ANTXR1: variants seen among roughly 807,000 people sequenced by gnomAD.
ANTXR1 encodes the protein ANTXR cell adhesion molecule 1.
In ANTXR1, 19 loss-of-function variants were observed where a neutral mutation model predicts 78.1. The ratio of observed to expected loss-of-function variants is 0.24; its 90% CI spans 0.17 to 0.36. The LOEUF (loss-of-function observed/expected upper bound fraction) is 0.36, where lower values mean the gene tolerates loss of function less well. Ranked by LOEUF, ANTXR1 falls within the 10% of genes least tolerant of loss-of-function variation. ANTXR1 has a pLI of 1.00. For missense variants in ANTXR1, 518 were observed against 718.6 expected, an observed-to-expected ratio of 0.72 and a Z score of 3.19; for synonymous variants, 273 against 260.5, an observed-to-expected ratio of 1.05 and a Z score of -0.46.
chr2:69,108,112 A>G (rs1332356330), intron 10 of ANTXR1, among the ~76,000 whole-genome samples: 1 of 152,260 alleles, frequency 6.6e-6, no homozygotes, highest in Non-Finnish European at 1.5e-5. Context: ...GGCTAGTGCA[A>G]TTGAGGAACT....
intron 17 of ANTXR1, among the ~76,000 whole-genome samples, chr2:69,237,086 T>TG (rs1219638814): frequency 6.6e-6 from 1 of 152,228 alleles, no homozygotes; most frequent in Non-Finnish European, 1.5e-5. Context: ...TGACAGACCT[T>TG]GTATTTACAC....
chr2:69,149,111 C>A (rs954221952), intron 12 of ANTXR1, among the ~76,000 whole-genome samples: 2 of 152,174 alleles, frequency 1.3e-5, no homozygotes, highest in Non-Finnish European at 2.9e-5. Flanking sequence ...AAAAAACAGA[C>A]AGTGCATTCG....
At chr2:69,213,335 A>G (rs572078052) in intron 17 of ANTXR1, among the ~76,000 whole-genome samples, 1 of 152,266 alleles carries the variant, frequency 6.6e-6, no homozygotes, top group African/African-American at 2.4e-5. Flanking sequence ...GCAGCCTATA[A>G]TCTCTTTGTC....
intron 17 of ANTXR1, among the ~76,000 whole-genome samples, chr2:69,236,891 C>T (rs1675777815): frequency 6.6e-6 from 1 of 152,186 alleles, no homozygotes; most frequent in African/African-American, 2.4e-5. Flanking sequence ...AATAAATCCA[C>T]CACTGGGTGT....
At chr2:69,075,442 G>C in intron 6 of ANTXR1, 148 bp from the exon 7 acceptor site, 1 of 775,884 alleles carries the variant, frequency 1.3e-6, no homozygotes, top group Non-Finnish European at 2.3e-6. Context: ...TGAGCTTCCT[G>C]GGGACAGGGA....
At chr2:69,067,126 C>T (rs915946737) in intron 3 of ANTXR1, among the ~76,000 whole-genome samples, 3 of 152,056 alleles carry the variant, frequency 2.0e-5, no homozygotes, top group African/African-American at 7.2e-5. Flanking sequence ...TGTTGTGGGT[C>T]CTTCAAGAAG....
At chr2:69,119,291 G>A (rs141998977) in intron 10 of ANTXR1, among the ~76,000 whole-genome samples, 8 of 152,276 alleles carry the variant, frequency 5.3e-5, no homozygotes, top group Non-Finnish European at 8.8e-5. Context: ...GCTCTCCTCG[G>A]CGTGACCCAG....
In ANTXR1 at chr2:69,024,687, ATC is replaced by A. The variant is rs143282081; in HGVS notation, c.152+11040_152+11041del. On this transcript the variant is annotated intron_variant, in intron 1 of 17. Transcript: ENST00000303714. ...TGCTTAAGCCAGAGATATGAGAGTA[ATC>A]TCTTGTTCACACTCAAGTCTGATGA... is the stretch of plus-strand genomic sequence containing the variant. Among the ~76,000 whole-genome samples, 841 of 152,200 alleles carry A rather than the reference ATC, an allele frequency of 5.5e-3. 8 individuals carry two copies. The highest frequency in any genetic ancestry group is 0.02 in the African/African-American group (813 of 41,532).
At chr2:69,230,815 T>A (rs1367912109) in intron 17 of ANTXR1, among the ~76,000 whole-genome samples, 1 of 152,170 alleles carries the variant, frequency 6.6e-6, no homozygotes, top group Non-Finnish European at 1.5e-5. Context: ...CTTTTAACTT[T>A]TATTTTAGGT....
At chr2:69,091,456 A>T (rs1351571078) in intron 9 of ANTXR1, among the ~76,000 whole-genome samples, 1 of 151,632 alleles carries the variant, frequency 6.6e-6, no homozygotes, top group Admixed American at 6.6e-5. Context: ...AAAAAAAAAA[A>T]AAAAAAAAAA....
chr2:69,174,230 G>A (rs1342133398), intron 14 of ANTXR1, among the ~76,000 whole-genome samples: 1 of 152,228 alleles, frequency 6.6e-6, no homozygotes, highest in Non-Finnish European at 1.5e-5. Flanking sequence ...AGGTATGTAA[G>A]TAGCCCCAAT....
intron 1 of ANTXR1, among the ~76,000 whole-genome samples, chr2:69,014,180 G>C (rs74864320): frequency 2.0e-5 from 3 of 152,178 alleles, no homozygotes; most frequent in Non-Finnish European, 4.4e-5. Context: ...CACTGAGTGA[G>C]AATGAAAGGC....
intron 1 of ANTXR1, among the ~76,000 whole-genome samples, chr2:69,036,737 G>A (rs527971436): frequency 6.6e-6 from 1 of 152,316 alleles, no homozygotes; most frequent in East Asian, 1.9e-4. Context: ...GATTCTAGTG[G>A]AAAGGGGTTG....
chr2:69,131,111 G>A (rs946003814), intron 12 of ANTXR1, among the ~76,000 whole-genome samples: 12 of 152,248 alleles, frequency 7.9e-5, no homozygotes, highest in African/African-American at 2.6e-4. Context: ...AATCTATCAT[G>A]CATTCAGAAT....
intron 3 of ANTXR1, among the ~76,000 whole-genome samples, chr2:69,053,544 G>T (rs1291970113): frequency 6.6e-6 from 1 of 152,068 alleles, no homozygotes; most frequent in African/African-American, 2.4e-5. Context: ...TGGCATCCTT[G>T]CCTATTTTTC....
At chr2:69,169,429 G>A (rs921422435) in intron 13 of ANTXR1, among the ~76,000 whole-genome samples, 1 of 152,204 alleles carries the variant, frequency 6.6e-6, no homozygotes, top group Non-Finnish European at 1.5e-5. Context: ...TCCATTTAAC[G>A]GTGAGGGCTT....
intron 8 of ANTXR1, among the ~76,000 whole-genome samples, chr2:69,080,904 A>T (rs1670880336): frequency 6.6e-6 from 1 of 152,192 alleles, no homozygotes; most frequent in Non-Finnish European, 1.5e-5. Flanking sequence ...GCAGAAGATG[A>T]CATGAAGAAG....
chr2:69,182,798 G>A, intron 16 of ANTXR1, 138 bp downstream of exon 16: 4 of 1,134,628 alleles, frequency 3.5e-6, no homozygotes, highest in Non-Finnish European at 5.1e-6. Context: ...TAAAATTATG[G>A]ACTTGAAAGT....
At chr2:69,041,651 C>G (rs974553256) in intron 2 of ANTXR1, among the ~76,000 whole-genome samples, 1 of 152,204 alleles carries the variant, frequency 6.6e-6, no homozygotes, top group Admixed American at 6.5e-5. Context: ...GCCCACCAGT[C>G]CAGCACCTGG....
Sources: gnomAD v4.1 joint callset for allele counts (sites outside exome capture counted in the v4.1 genomes callset) on GRCh38, gnomAD v4.1.1 for gene constraint, MANE v1.5 for transcripts, NCBI Gene and HGNC (gene_info 2026-07-23, HGNC 2026-07-21) for gene names.